Variants in PAK1 observed in about 807,000 individuals in gnomAD.
The protein encoded by PAK1 is p21 (RAC1) activated kinase 1, also known as serine/threonine-protein kinase PAK 1.
In PAK1, 29 loss-of-function variants were observed where a neutral mutation model predicts 67.4. That is an observed-to-expected ratio of 0.43 (90% CI 0.32 to 0.59). The LOEUF is 0.59. PAK1 is among the 20% of genes least tolerant of loss of function. PAK1 has a pLI of 0.07. For synonymous variants in PAK1, 223 were observed against 237.4 expected (o/e 0.94, Z 0.56); for missense variants, 337 against 670.7 (o/e 0.50, Z 5.50).
intron 1 of PAK1, among the ~76,000 whole-genome samples, chr11:77,459,690 CT>C (rs755731892): frequency 0.055 from 7,361 of 134,438 alleles, 313 homozygotes; most frequent in African/African-American, 0.16. Flanking sequence ...TCTTCTTCTT[CT>C]TTTTTTTTTT....
At chr11:77,327,912 T>C (rs904229109) in intron 14 of PAK1, among the ~76,000 whole-genome samples, 6 of 152,064 alleles carry the variant, frequency 3.9e-5, no homozygotes, top group East Asian at 1.9e-4. Flanking sequence ...GAGACACACA[T>C]AGGCTCAAAA....
intron 2 of PAK1, among the ~76,000 whole-genome samples, chr11:77,380,599 TC>T (rs774997196): frequency 1.3e-5 from 2 of 152,230 alleles, no homozygotes; most frequent in Non-Finnish European, 2.9e-5. Flanking sequence ...GAGTAAGTCA[TC>T]TTTTTTGTGA....
chr11:77,516,633 A>C, the PAK1 span, among the ~76,000 whole-genome samples: 1 of 152,112 alleles, frequency 6.6e-6, no homozygotes, highest in Non-Finnish European at 1.5e-5. Context: ...CAGATTAATA[A>C]ATGTTAATTG....
chr11:77,355,581 T>C (rs1256256454), intron 7 of PAK1, 87 bp downstream of exon 7: 1 of 1,101,452 alleles, frequency 9.1e-7, no homozygotes, highest in Non-Finnish European at 1.4e-6. Flanking sequence ...GCCAGCCAGC[T>C]GCATGGACCA....
chr11:77,417,431 T>C (rs1955026384), intron 1 of PAK1, among the ~76,000 whole-genome samples: 1 of 152,118 alleles, frequency 6.6e-6, no homozygotes, highest in Non-Finnish European at 1.5e-5. Context: ...ACTATAGAAA[T>C]AGTAAAAAGA....
At chr11:77,490,669 G>A in the PAK1 span, among the ~76,000 whole-genome samples, 1 of 152,220 alleles carries the variant, frequency 6.6e-6, no homozygotes, top group South Asian at 2.1e-4. Flanking sequence ...TGACAATGGC[G>A]GTTTTGTGGA....
At chr11:77,482,276 A>C in the PAK1 span, among the ~76,000 whole-genome samples, 1 of 78,212 alleles carries the variant, frequency 1.3e-5, no homozygotes, top group African/African-American at 3.3e-5. Flanking sequence ...GGCGTGAGCC[A>C]CCACGCCCGG....
the PAK1 span, among the ~76,000 whole-genome samples, chr11:77,480,739 G>A: frequency 6.6e-6 from 1 of 152,164 alleles, no homozygotes; most frequent in Admixed American, 6.5e-5. Flanking sequence ...GGCCAGACAG[G>A]TCTTGAGCTC....
chr11:77,450,704 G>C (rs1956815532), intron 1 of PAK1, among the ~76,000 whole-genome samples: 1 of 152,182 alleles, frequency 6.6e-6, no homozygotes, highest in South Asian at 2.1e-4. Context: ...CATGGTTCCA[G>C]TTTTTGAGAC....
chr11:77,339,775 A>G (rs1389254442), intron 11 of PAK1, among the ~76,000 whole-genome samples: 1 of 151,808 alleles, frequency 6.6e-6, no homozygotes, highest in African/African-American at 2.4e-5. Flanking sequence ...TGCTTCCCCT[A>G]ATTTCCTAAC....
chr11:77,471,057 C>A (rs981408973), intron 1 of PAK1, among the ~76,000 whole-genome samples: 1 of 152,200 alleles, frequency 6.6e-6, no homozygotes, highest in African/African-American at 2.4e-5. Flanking sequence ...AGAATTAAAT[C>A]ATCTTACATT....
At chr11:77,500,169 C>A in the PAK1 span, among the ~76,000 whole-genome samples, 1 of 152,148 alleles carries the variant, frequency 6.6e-6, no homozygotes, top group Non-Finnish European at 1.5e-5. Flanking sequence ...CCCTCCTGCC[C>A]TTAAAGATCA....
intron 5 of PAK1, among the ~76,000 whole-genome samples, chr11:77,366,831 A>G (rs1947654581): frequency 6.6e-6 from 1 of 152,242 alleles, no homozygotes; most frequent in South Asian, 2.1e-4. Context: ...CACATGCCCC[A>G]GCAGTTCCAT....
rs965760288 is a variant in PAK1 at position 77,357,996 on chromosome 11, G to A, written c.597+902C>T. 3.9e-5 allele frequency among the ~76,000 whole-genome samples: 6 copies of A among 152,122 alleles called. No individual in the cohort carries two copies. The East Asian group carries it at 1.2e-3, about 29-fold the overall frequency. ...GCGCATTTTCCCTTGAGGTAACTTT[G>A]TGACCTACAGAGATGATTCCACAGA... On this transcript the variant is annotated intron_variant, in intron 6 of 14. Transcript: ENST00000356341.
chr11:77,362,550 G>T (rs1453343), intron 5 of PAK1, among the ~76,000 whole-genome samples: 48,239 of 151,976 alleles, frequency 0.32, 7,838 homozygotes, highest in South Asian at 0.45. Context: ...ATCAAATCAC[G>T]CCTTTATCAC....
intron 1 of PAK1, among the ~76,000 whole-genome samples, chr11:77,406,273 A>G (rs1404989359): frequency 1.3e-5 from 2 of 152,162 alleles, no homozygotes; most frequent in Admixed American, 6.5e-5. Flanking sequence ...AGACAACTCC[A>G]CCTGCGTTTC....
intron 1 of PAK1, among the ~76,000 whole-genome samples, chr11:77,465,750 G>A (rs1957567108): frequency 6.6e-6 from 1 of 151,764 alleles, no homozygotes; most frequent in Non-Finnish European, 1.5e-5. Flanking sequence ...GTTCACTTGA[G>A]TCCAGCCTGG....
the PAK1 span, among the ~76,000 whole-genome samples, chr11:77,523,650 C>T: frequency 6.6e-6 from 1 of 152,134 alleles, no homozygotes; most frequent in African/African-American, 2.4e-5. Flanking sequence ...AAACTCCTGA[C>T]CTCGTGATCC....
intron 9 of PAK1, chr11:77,347,177 A>G: frequency 4.7e-6 from 2 of 427,964 alleles, no homozygotes; most frequent in Non-Finnish European, 9.4e-6. Context: ...CACGCATACA[A>G]TGAATTTAAA....
Sources: allele counts gnomAD v4.1 joint callset (sites outside exome capture counted in the v4.1 genomes callset), GRCh38; gene constraint gnomAD v4.1.1; transcripts MANE v1.5; gene names NCBI Gene and HGNC (gene_info 2026-07-23, HGNC 2026-07-21).